The following RORA variants were observed in gnomAD, a reference collection of about 807,000 sequenced individuals.
RORA encodes RAR related orphan receptor A, also known as nuclear receptor ROR-alpha.
Under a neutral mutation model 69.5 loss-of-function variants are expected in RORA, and 7 were observed. The ratio of observed to expected loss-of-function variants is 0.10; its 90% CI spans 0.06 to 0.19. RORA has a LOEUF of 0.19. Among genes scored for constraint, RORA ranks in the 10% least tolerant of loss-of-function variants. The pLI is 1.00. For missense variants in RORA, 457 were observed against 663.0 expected, an observed-to-expected ratio of 0.69 and a Z score of 3.41; for synonymous variants, 261 against 240.8, an observed-to-expected ratio of 1.08 and a Z score of -0.78.
chr15:60,616,243 T>TC (rs1218289741), intron 2 of RORA, among the ~76,000 whole-genome samples: 13 of 152,110 alleles, frequency 8.5e-5, no homozygotes, highest in Non-Finnish European at 1.9e-4. Context: ...AGCAATTTGA[T>TC]AAAAGTGTTG....
At chr15:60,547,040 A>C (rs1419792618) in intron 2 of RORA, among the ~76,000 whole-genome samples, 1 of 152,164 alleles carries the variant, frequency 6.6e-6, no homozygotes, top group African/African-American at 2.4e-5. Context: ...ACTGACACGT[A>C]CTGTGGGCGT....
chr15:61,021,371 C>T (rs1468839830), intron 1 of RORA, among the ~76,000 whole-genome samples: 1 of 152,172 alleles, frequency 6.6e-6, no homozygotes, highest in Non-Finnish European at 1.5e-5. Context: ...TAGAATTGTC[C>T]TTTTCCAAAC....
chr15:60,959,872 A>G (rs1164459566), intron 1 of RORA, among the ~76,000 whole-genome samples: 1 of 151,862 alleles, frequency 6.6e-6, no homozygotes, highest in Non-Finnish European at 1.5e-5. Flanking sequence ...TCTGTGAAAA[A>G]TCTCTCAATT....
chr15:61,086,603 C>T (rs887867313), intron 1 of RORA, among the ~76,000 whole-genome samples: 2 of 151,996 alleles, frequency 1.3e-5, no homozygotes, highest in Admixed American at 1.3e-4. Context: ...TACTCTTTAA[C>T]TTAAAATTTG....
intron 1 of RORA, among the ~76,000 whole-genome samples, chr15:60,899,890 A>C (rs1293317551): frequency 1.3e-5 from 2 of 152,242 alleles, no homozygotes; most frequent in Non-Finnish European, 2.9e-5. Flanking sequence ...TAATACAGCC[A>C]ATATAGCAGA....
intron 3 of RORA, chr15:60,530,427 G>A (rs1223201675): frequency 6.6e-6 from 1 of 152,170 alleles, no homozygotes; most frequent in East Asian, 1.9e-4. Context: ...CTGAGTAGCT[G>A]GGACTACAGG....
In RORA at chr15:60,719,488, G is replaced by T. The variant is rs904440126; in HGVS notation, c.167-40802C>A. Among the ~76,000 whole-genome samples, 4 of 152,078 alleles carry T rather than the reference G, an allele frequency of 2.6e-5. No homozygotes were observed. In the South Asian group the frequency reaches 8.3e-4, roughly 32 times the overall value. On this transcript the variant is annotated intron_variant, in intron 1 of 10. Transcript: ENST00000335670. Reference sequence around the variant, plus strand: ...CACAAAATATAGGGTTTCTTAAAAAGCACTAAAAATAGTTTACACAACAAT... The same window carrying T: ...CACAAAATATAGGGTTTCTTAAAAATCACTAAAAATAGTTTACACAACAAT...
intron 1 of RORA, among the ~76,000 whole-genome samples, chr15:60,903,949 T>C (rs1274495138): frequency 6.6e-6 from 1 of 152,208 alleles, no homozygotes; most frequent in Admixed American, 6.5e-5. Context: ...AAGTATCTTG[T>C]TTGCTTTACA....
At chr15:60,824,151 C>G (rs1028920720) in intron 1 of RORA, among the ~76,000 whole-genome samples, 1 of 152,166 alleles carries the variant, frequency 6.6e-6, no homozygotes, top group Non-Finnish European at 1.5e-5. Flanking sequence ...AGGAAGAGAT[C>G]TGCATGAGGA....
At chr15:60,768,711 TGACA>T (rs2072025439) in intron 1 of RORA, among the ~76,000 whole-genome samples, 1 of 152,212 alleles carries the variant, frequency 6.6e-6, no homozygotes, top group South Asian at 2.1e-4. Flanking sequence ...GCAGGTGCAC[TGACA>T]GACAGAGGTG....
chr15:60,654,100 A>G (rs2070186839), intron 2 of RORA, among the ~76,000 whole-genome samples: 1 of 152,134 alleles, frequency 6.6e-6, no homozygotes, highest in South Asian at 2.1e-4. Flanking sequence ...TAGTCAAAGG[A>G]GCTGCTGAAT....
At chr15:60,855,397 A>AGGAG (rs1567215101) in intron 1 of RORA, among the ~76,000 whole-genome samples, 2 of 152,074 alleles carry the variant, frequency 1.3e-5, no homozygotes, top group Non-Finnish European at 2.9e-5. Flanking sequence ...ATAGCTACAC[A>AGGAG]GAGCCATGTT....
intron 1 of RORA, among the ~76,000 whole-genome samples, chr15:61,016,697 G>A (rs1255755313): frequency 2.0e-5 from 3 of 152,240 alleles, no homozygotes; most frequent in South Asian, 2.1e-4. Context: ...CGGAGGTTTC[G>A]CGACCCATAA....
At chr15:60,936,154 C>T (rs1268684617) in intron 1 of RORA, among the ~76,000 whole-genome samples, 1 of 152,196 alleles carries the variant, frequency 6.6e-6, no homozygotes, top group African/African-American at 2.4e-5. Flanking sequence ...GATGCTAGGA[C>T]CCAATCCTAT....
At chr15:60,604,559 A>G (rs1296148784) in intron 2 of RORA, among the ~76,000 whole-genome samples, 1 of 152,092 alleles carries the variant, frequency 6.6e-6, no homozygotes, top group Non-Finnish European at 1.5e-5. Flanking sequence ...GACTCTCCAC[A>G]CTAGAGTCAG....
chr15:61,223,059 A>C (rs902314959), intron 1 of RORA, among the ~76,000 whole-genome samples: 1 of 152,140 alleles, frequency 6.6e-6, no homozygotes, highest in Non-Finnish European at 1.5e-5. Flanking sequence ...CACACCTGTA[A>C]TCCTAGCACT....
chr15:60,967,258 T>C (rs911440846), intron 1 of RORA, among the ~76,000 whole-genome samples: 16 of 152,252 alleles, frequency 1.1e-4, no homozygotes, highest in Non-Finnish European at 1.9e-4. Flanking sequence ...CATTGACAGA[T>C]GTACCATATT....
chr15:60,997,960 G>T (rs192066002), intron 1 of RORA, among the ~76,000 whole-genome samples: 1 of 152,214 alleles, frequency 6.6e-6, no homozygotes, highest in East Asian at 1.9e-4. Context: ...TTTATGGAGA[G>T]AGTGAGCCAC....
intron 1 of RORA, among the ~76,000 whole-genome samples, chr15:61,094,342 G>T (rs553827885): frequency 3.3e-5 from 5 of 152,232 alleles, no homozygotes; most frequent in African/African-American, 1.2e-4. Context: ...CCTTGGAATG[G>T]TATTTTTCCT....
Sources: gnomAD v4.1 joint callset for allele counts (sites outside exome capture counted in the v4.1 genomes callset) on GRCh38, gnomAD v4.1.1 for gene constraint, MANE v1.5 for transcripts, NCBI Gene and HGNC (gene_info 2026-07-23, HGNC 2026-07-21) for gene names.